KCNK2: variants seen among roughly 807,000 people sequenced by gnomAD.
KCNK2 encodes the protein potassium channel subfamily K member 2.
KCNK2 carries 21 observed loss-of-function variants against 40.5 expected under a neutral mutation model. The observed-to-expected ratio is 0.52, with a 90% confidence interval of 0.37 to 0.75. KCNK2 has a LOEUF of 0.75. Ranked by LOEUF, KCNK2 falls within the 30% of genes least tolerant of loss-of-function variation. The pLI is 0.00. For missense variants in KCNK2, 399 were observed against 531.6 expected (o/e 0.75, Z 2.45); for synonymous variants, 191 against 202.2 (o/e 0.94, Z 0.47).
chr1:215,061,748 CA>C (rs1025098883), intron 1 of KCNK2, among the ~76,000 whole-genome samples: 8 of 151,706 alleles, frequency 5.3e-5, no homozygotes, highest in Non-Finnish European at 7.4e-5. Context: ...AAGGGAAGTA[CA>C]TTTTTTTTTA....
upstream of KCNK2, among the ~76,000 whole-genome samples, chr1:215,082,439 G>C (rs577188525): frequency 6.6e-6 from 1 of 152,256 alleles, no homozygotes; most frequent in South Asian, 2.1e-4. Context: ...CCCACACCCC[G>C]AACGCTGGTC....
chr1:215,194,130 A>G (rs1310434522), intron 5 of KCNK2, among the ~76,000 whole-genome samples: 1 of 152,196 alleles, frequency 6.6e-6, no homozygotes, highest in East Asian at 1.9e-4. Context: ...GAAAATAAAA[A>G]TAGTTTCACT....
chr1:215,051,947 A>G (rs1187566889), intron 1 of KCNK2, among the ~76,000 whole-genome samples: 1 of 152,226 alleles, frequency 6.6e-6, no homozygotes, highest in African/African-American at 2.4e-5. Context: ...ACCTGCAAAC[A>G]GATAACATTT....
At chr1:215,099,595 C>T (rs1442687580) in intron 2 of KCNK2, among the ~76,000 whole-genome samples, 2 of 151,654 alleles carry the variant, frequency 1.3e-5, no homozygotes, top group Non-Finnish European at 2.9e-5. Flanking sequence ...TTTGGTGATG[C>T]GGCAGTGAAG....
At chr1:215,162,048 G>C (rs1663223092) in intron 3 of KCNK2, among the ~76,000 whole-genome samples, 1 of 152,110 alleles carries the variant, frequency 6.6e-6, no homozygotes, top group African/African-American at 2.4e-5. Context: ...CAACAAGAGT[G>C]TAACAGCATT....
chr1:215,193,569 A>G (rs1332287443), intron 5 of KCNK2, among the ~76,000 whole-genome samples: 2 of 152,170 alleles, frequency 1.3e-5, no homozygotes, highest in Non-Finnish European at 2.9e-5. Flanking sequence ...TCGGCCTGTA[A>G]AATGACTCTT....
At chr1:215,049,450 T>C (rs904557402) in intron 1 of KCNK2, among the ~76,000 whole-genome samples, 31 of 152,186 alleles carry the variant, frequency 2.0e-4, no homozygotes, top group Non-Finnish European at 3.4e-4. Context: ...GCTTGTCTTT[T>C]TATTCTCTTA....
intron 3 of KCNK2, among the ~76,000 whole-genome samples, chr1:215,137,718 T>C (rs1383899104): frequency 6.6e-6 from 1 of 152,248 alleles, no homozygotes; most frequent in Non-Finnish European, 1.5e-5. Context: ...TTGCACTTGC[T>C]ATCTCACAGG....
intron 1 of KCNK2, 53 bp downstream of exon 1, chr1:215,083,484 C>A (rs1346258398): frequency 1.5e-6 from 2 of 1,355,210 alleles, no homozygotes; most frequent in East Asian, 4.6e-5. Flanking sequence ...CTCTCCTGCC[C>A]CAGCCTTTTC....
chr1:215,209,476 T>TATAATATATATTA (rs1553274203), intron 6 of KCNK2, among the ~76,000 whole-genome samples: 2 of 43,194 alleles, frequency 4.6e-5, no homozygotes, highest in Non-Finnish European at 8.4e-5. Flanking sequence ...ATAATATATA[T>TATAATATATATTA]TATATATAAT....
intron 5 of KCNK2, among the ~76,000 whole-genome samples, chr1:215,186,919 G>A (rs1571707994): frequency 1.3e-5 from 2 of 152,114 alleles, no homozygotes; most frequent in Non-Finnish European, 2.9e-5. Flanking sequence ...CCTAAAGGGT[G>A]AGAAGAGAGA....
intron 1 of KCNK2, among the ~76,000 whole-genome samples, chr1:215,018,429 G>C (rs114326900): frequency 6.6e-6 from 1 of 152,138 alleles, no homozygotes; most frequent in African/African-American, 2.4e-5. Context: ...ATTTTAAAAG[G>C]CCACTATTAA....
intron 5 of KCNK2, among the ~76,000 whole-genome samples, chr1:215,183,762 G>A (rs1664321211): frequency 6.6e-6 from 1 of 152,180 alleles, no homozygotes; most frequent in Non-Finnish European, 1.5e-5. Context: ...ATTCTCATTA[G>A]TGTAATTTAG....
intron 3 of KCNK2, among the ~76,000 whole-genome samples, chr1:215,146,568 G>C (rs1317099459): frequency 2.0e-5 from 3 of 152,134 alleles, no homozygotes; most frequent in Non-Finnish European, 2.9e-5. Context: ...CAATGCATTT[G>C]TTTTGATGCA....
At chr1:215,044,529 A>G (rs1022514902) in intron 1 of KCNK2, among the ~76,000 whole-genome samples, 1 of 152,150 alleles carries the variant, frequency 6.6e-6, no homozygotes, top group Non-Finnish European at 1.5e-5. Context: ...AATAATAACA[A>G]TAATACCTAT....
At chr1:215,034,339 T>TA (rs1193731302) in intron 1 of KCNK2, among the ~76,000 whole-genome samples, 1 of 122,114 alleles carries the variant, frequency 8.2e-6, no homozygotes, top group East Asian at 2.3e-4. Flanking sequence ...GATGGGCACT[T>TA]ATGTTGTTTT....
chr1:215,030,408 AC>A (rs1222237538), intron 1 of KCNK2, among the ~76,000 whole-genome samples: 1 of 151,942 alleles, frequency 6.6e-6, no homozygotes, highest in East Asian at 1.9e-4. Context: ...AATTTAATAA[AC>A]TTTATTGTTT....
At chr1:215,097,565 C>T (rs1022550551) in intron 2 of KCNK2, among the ~76,000 whole-genome samples, 1 of 151,844 alleles carries the variant, frequency 6.6e-6, no homozygotes, top group Non-Finnish European at 1.5e-5. Context: ...TTTGTGAGTT[C>T]ATTCCTTATG....
intron 3 of KCNK2, among the ~76,000 whole-genome samples, chr1:215,150,562 A>AAGCTGTTCTCTAAAG (rs1662642238): frequency 1.3e-5 from 2 of 151,996 alleles, no homozygotes; most frequent in Non-Finnish European, 2.9e-5. Flanking sequence ...GTTCTCTAAA[A>AAGCTGTTCTCTAAAG]TTCTTGCATA....
Sources: gnomAD v4.1 joint callset for allele counts (sites outside exome capture counted in the v4.1 genomes callset) on GRCh38, gnomAD v4.1.1 for gene constraint, MANE v1.5 for transcripts, NCBI Gene and HGNC (gene_info 2026-07-23, HGNC 2026-07-21) for gene names.